The following SFMBT2 variants were observed in gnomAD, a reference collection of about 807,000 sequenced individuals.
SFMBT2 encodes the protein scm-like with four MBT domains protein 2.
SFMBT2 carries 38 observed loss-of-function variants against 110.1 expected under a neutral mutation model. The ratio of observed to expected loss-of-function variants is 0.35; its 90% CI spans 0.27 to 0.45. SFMBT2 has a LOEUF of 0.45. SFMBT2 is among the 20% of genes least tolerant of loss of function. The pLI is 1.00. For missense variants in SFMBT2, 1,011 were observed against 1,094.9 expected (o/e 0.92, Z 1.08); for synonymous variants, 425 against 425.4 (o/e 1.00, Z 0.01).
intron 11 of SFMBT2, chr10:7,219,811 G>C: frequency 4.2e-6 from 1 of 237,668 alleles, no homozygotes; most frequent in Non-Finnish European, 6.9e-6. Flanking sequence ...AGAAAATATG[G>C]TTTTCTACTT....
chr10:7,347,689 A>C (rs1844161951), intron 4 of SFMBT2, among the ~76,000 whole-genome samples: 1 of 152,232 alleles, frequency 6.6e-6, no homozygotes, highest in Non-Finnish European at 1.5e-5. Flanking sequence ...GAAAGAGGAG[A>C]TAAATTGGGA....
intron 2 of SFMBT2, 128 bp downstream of exon 2, chr10:7,381,671 C>A: frequency 9.8e-7 from 1 of 1,020,464 alleles, no homozygotes; most frequent in Non-Finnish European, 1.4e-6. Flanking sequence ...ATAAATAGGA[C>A]TTCAAATCCC....
At chr10:7,217,311 A>G (rs1839573909) in intron 11 of SFMBT2, among the ~76,000 whole-genome samples, 1 of 152,194 alleles carries the variant, frequency 6.6e-6, no homozygotes, top group Non-Finnish European at 1.5e-5. Flanking sequence ...TAAAATGACT[A>G]AAGTGGTAAA....
chr10:7,198,502 A>G (rs1469492748), intron 14 of SFMBT2, among the ~76,000 whole-genome samples: 3 of 152,150 alleles, frequency 2.0e-5, no homozygotes, highest in Non-Finnish European at 4.4e-5. Context: ...CACAGTGACT[A>G]CCCCAATTGA....
intron 7 of SFMBT2, among the ~76,000 whole-genome samples, chr10:7,268,515 A>G (rs552335198): frequency 1.1e-4 from 16 of 147,192 alleles, no homozygotes; most frequent in African/African-American, 4.0e-4. Context: ...GTTTTATCTA[A>G]TTTTTTTTTT....
At chr10:7,204,795 C>T in intron 12 of SFMBT2, 1 of 269,004 alleles carries the variant, frequency 3.7e-6, no homozygotes, top group Non-Finnish European at 5.7e-6. Flanking sequence ...ATCTCTTGAA[C>T]CCGGGAGGTG....
intron 8 of SFMBT2, 126 bp downstream of exon 8, chr10:7,248,422 C>G (rs1341996287): frequency 1.3e-6 from 1 of 751,894 alleles, no homozygotes; most frequent in African/African-American, 1.8e-5. Context: ...CGGCAATCTT[C>G]CTTAGCTTCG....
chr10:7,172,789 C>A lies in SFMBT2; in HGVS notation c.1985-128G>T, dbSNP rs760447772. 9.1e-5 allele frequency: 108 copies of A among 1,191,262 alleles called. No individual in the cohort carries two copies. The highest frequency in any genetic ancestry group is 1.1e-4 in the Non-Finnish European group (95 of 861,756). 73.8% of individuals were successfully genotyped at this position (1,191,262 alleles called of 1,614,324 possible). A position where few individuals can be genotyped will look rare whatever the true frequency, so the allele number is the denominator to read the frequency against. The stretch of plus-strand genomic sequence containing the variant: ...TTCATTTGTGCCTTACGAAGTCATT[C>A]TGAGAAAACAGACCCACAGGAGAAG... On this transcript the variant is annotated intron_variant, in intron 17 of 20. Coordinates refer to ENST00000397167, the MANE Select transcript of SFMBT2 (RefSeq NM_001387889.1). The surrounding 1 kb of genome is among the most constrained non-coding windows in gnomAD (Gnocchi z 4.6).
chr10:7,180,309 T>TTG (rs1255057015), intron 16 of SFMBT2, among the ~76,000 whole-genome samples: 2 of 150,898 alleles, frequency 1.3e-5, no homozygotes, highest in Admixed American at 1.3e-4. Context: ...TTTTTTTTTT[T>TTG]TGTATTTTTA....
intron 1 of SFMBT2, among the ~76,000 whole-genome samples, chr10:7,387,858 G>C (rs967216106): frequency 1.3e-5 from 2 of 150,258 alleles, no homozygotes; most frequent in African/African-American, 2.5e-5. Context: ...TGAGGCAGAA[G>C]AATTGCTTGA....
chr10:7,396,911 G>C (rs1425173929), intron 1 of SFMBT2, among the ~76,000 whole-genome samples: 1 of 125,862 alleles, frequency 7.9e-6, no homozygotes, highest in Non-Finnish European at 1.7e-5. Context: ...GTGGGGGGAT[G>C]GGGGGAGGGG....
At chr10:7,350,217 C>T (rs547880319) in intron 4 of SFMBT2, among the ~76,000 whole-genome samples, 30 of 152,086 alleles carry the variant, frequency 2.0e-4, no homozygotes, top group African/African-American at 6.8e-4. Flanking sequence ...TGGGGTCCAT[C>T]CCGCTGATGG....
At chr10:7,192,429 T>C (rs982316421) in intron 15 of SFMBT2, among the ~76,000 whole-genome samples, 28 of 152,200 alleles carry the variant, frequency 1.8e-4, no homozygotes, top group African/African-American at 6.5e-4. Flanking sequence ...ACCAAGTCTA[T>C]GAACACTGAA....
At chr10:7,210,235 C>T (rs1273984823) in intron 11 of SFMBT2, among the ~76,000 whole-genome samples, 1 of 152,144 alleles carries the variant, frequency 6.6e-6, no homozygotes, top group Non-Finnish European at 1.5e-5. Context: ...CCTATGCTAC[C>T]CAGAGCCCCA....
chr10:7,376,977 T>C (rs1845242126), intron 2 of SFMBT2, among the ~76,000 whole-genome samples: 1 of 151,054 alleles, frequency 6.6e-6, no homozygotes, highest in Non-Finnish European at 1.5e-5. Context: ...GAGACCGTCC[T>C]GGCTAACATG....
At chr10:7,244,847 C>T (rs1306215249) in intron 8 of SFMBT2, among the ~76,000 whole-genome samples, 2 of 152,168 alleles carry the variant, frequency 1.3e-5, no homozygotes, top group East Asian at 3.9e-4. Flanking sequence ...AAATAGTTTA[C>T]TGAAGGTTTG....
At chr10:7,286,161 C>T (rs1299527337) in intron 4 of SFMBT2, among the ~76,000 whole-genome samples, 2 of 152,126 alleles carry the variant, frequency 1.3e-5, no homozygotes, top group African/African-American at 4.8e-5. Flanking sequence ...TGACACATAC[C>T]ACATGCTTGG....
intron 1 of SFMBT2, chr10:7,409,423 T>A (rs1030829414): frequency 6.6e-6 from 1 of 152,088 alleles, no homozygotes; most frequent in Non-Finnish European, 1.5e-5. Flanking sequence ...CCGCAGTTTG[T>A]CACGTCAAAT....
intron 7 of SFMBT2, among the ~76,000 whole-genome samples, chr10:7,266,787 C>CA (rs997950941): frequency 4.7e-4 from 72 of 152,288 alleles, no homozygotes; most frequent in African/African-American, 1.6e-3. Flanking sequence ...GCAAAGGCTA[C>CA]ACAGAAGAGT....
Sources: gnomAD v4.1 joint callset for allele counts (sites outside exome capture counted in the v4.1 genomes callset) on GRCh38, gnomAD v4.1.1 for gene constraint, Gnocchi (gnomAD v3.1) non-coding constraint, MANE v1.5 for transcripts, NCBI Gene and HGNC (gene_info 2026-07-23, HGNC 2026-07-21) for gene names.